Variants in UVSSA observed in about 807,000 individuals in gnomAD.
UVSSA encodes UV-stimulated scaffold protein A.
In UVSSA, 72 loss-of-function variants were observed where a neutral mutation model predicts 73.9. The observed-to-expected ratio is 0.97, with a 90% CI of 0.81 to 1.19. UVSSA has a LOEUF of 1.19. UVSSA is among the 50% of genes most tolerant of loss of function. UVSSA has a pLI of 0.00. For missense variants in UVSSA, 1,150 were observed against 965.0 expected (o/e 1.19, Z -2.54); for synonymous variants, 454 against 391.3 (o/e 1.16, Z -1.89).
At chr4:1,345,702 G>A (rs576491023), upstream of UVSSA, among the ~76,000 whole-genome samples, 4 of 150,008 alleles carry the variant, frequency 2.7e-5, no homozygotes, top group African/African-American at 7.5e-5. Context: ...CGGATACAGA[G>A]GGCAGTGGAC....
chr4:1,393,574 T>TAGA (rs139687679), exon 14 of UVSSA: 65 of 147,700 alleles, frequency 4.4e-4, no homozygotes, highest in African/African-American at 1.5e-3. Context: ...GATAGATAGA[T>TAGA]TAGATAGATA....
At chr4:1,378,292 C>T (rs976153576) in intron 10 of UVSSA, among the ~76,000 whole-genome samples, 4 of 152,236 alleles carry the variant, frequency 2.6e-5, no homozygotes, top group African/African-American at 9.6e-5. Context: ...GTGGCTCACG[C>T]CTGTAATCCC....
In UVSSA at chr4:1,351,660, A is replaced by G. The variant is rs1438815998; in HGVS notation, c.430-55A>G. The G allele has an allele frequency of 3.2e-6, 5 of 1,586,636 alleles. No individual in the cohort carries two copies. The Admixed American group carries it at 6.8e-5, about 22-fold the overall frequency. On this transcript the variant is annotated intron_variant, in intron 3 of 13. Transcript: ENST00000389851. ...TGCCTCAGCCTCCCAAAGTGCTGGG[A>G]TTACAGGCGTGAGCCACCGCGCCTG...
chr4:1,380,420 G>C (rs1719339387), intron 11 of UVSSA, among the ~76,000 whole-genome samples, 190 bp downstream of exon 11: 1 of 152,206 alleles, frequency 6.6e-6, no homozygotes. Flanking sequence ...GGTGTCTGGG[G>C]CTCCTGCCCA....
chr4:1,375,698 C>T (rs1281591200), intron 9 of UVSSA, among the ~76,000 whole-genome samples, 190 bp downstream of exon 9: 2 of 152,246 alleles, frequency 1.3e-5, no homozygotes, highest in African/African-American at 4.8e-5. Flanking sequence ...CCAGCATCAG[C>T]TGGAGCCCGG....
intron 13 of UVSSA, chr4:1,384,267 T>C: frequency 3.0e-6 from 1 of 336,526 alleles, no homozygotes; most frequent in South Asian, 4.1e-5. Context: ...CCCTCGTCTC[T>C]CCCTTGCCTG....
chr4:1,348,112 G>C lies in UVSSA; in HGVS notation c.21G>C (p.Lys7Asn), dbSNP rs780848645. The C allele has an allele frequency of 3.2e-5, 52 of 1,613,694 alleles. No homozygotes were observed. The highest frequency in any genetic ancestry group is 3.9e-5 in the Non-Finnish European group (46 of 1,179,928). ...TAGATATGGATCAGAAACTTTCGAA[G>C]TTGGTAGAAGAGCTCACAACTTCAG... MDQKLS[K>N]LVEELTTSGE... Residue 7 changes from lysine (K) to asparagine (N), a missense_variant, in exon 2 of 14, where the codon AAG becomes AAC. Physicochemically the swap from Lys to Asn is moderately conservative, Grantham distance 94. Transcript: ENST00000389851.
chr4:1,394,238 A>G lies in UVSSA; in HGVS notation c.*8277A>G, dbSNP rs1450220112. Reference sequence around the variant, plus strand: ...AGTGTGGCAGAGCTTCTCAGCGGCCACTGTGGGCATCTCGTTCCTCAGATC... The same window carrying G: ...AGTGTGGCAGAGCTTCTCAGCGGCCGCTGTGGGCATCTCGTTCCTCAGATC... On this transcript the variant is annotated 3_prime_UTR_variant, in exon 14 of 14. Coordinates refer to the UVSSA transcript ENST00000511216. 1.9e-5 allele frequency: 12 copies of G among 634,852 alleles called. No individual in the cohort carries two copies. The African/African-American group carries it at 2.2e-4, about 12-fold the overall frequency. The allele number at this position is 634,852 out of a possible 1,614,324, so 39.3% of individuals were successfully genotyped here.
chr4:1,343,462 TATAAATC>T (rs1469204478), upstream of UVSSA, among the ~76,000 whole-genome samples: 1 of 151,944 alleles, frequency 6.6e-6, no homozygotes, highest in Non-Finnish European at 1.5e-5. Flanking sequence ...AACAAGGACT[TATAAATC>T]ATAACAATAT....
intron 10 of UVSSA, among the ~76,000 whole-genome samples, chr4:1,379,450 GACA>G (rs1357271172): frequency 1.3e-5 from 2 of 152,242 alleles, no homozygotes; most frequent in East Asian, 3.9e-4. Flanking sequence ...CCAGGTTGAT[GACA>G]ACAGCAGAGC....
intron 10 of UVSSA, 118 bp from the exon 11 acceptor site, chr4:1,379,929 C>T (rs1719264765): frequency 2.4e-6 from 3 of 1,238,624 alleles, no homozygotes; most frequent in Non-Finnish European, 3.4e-6. Flanking sequence ...GTGCTGTCCA[C>T]AGTGTTGGGG....
chr4:1,383,698 G>A, intron 12 of UVSSA, 68 bp from the exon 13 acceptor site: 1 of 1,591,816 alleles, frequency 6.3e-7, no homozygotes. Context: ...AGCCCCTCCT[G>A]GGGGCCTCGG....
chr4:1,394,425 T>A, exon 14 of UVSSA: 2 of 1,588,864 alleles, frequency 1.3e-6, no homozygotes, highest in South Asian at 2.2e-5. Context: ...AAATCATTGA[T>A]CTACTTCTAG....
At chr4:1,355,046 G>A (rs1715483820) in intron 6 of UVSSA, 71 bp from the exon 7 acceptor site, 1 of 1,585,586 alleles carries the variant, frequency 6.3e-7, no homozygotes. Flanking sequence ...CCTGGCATGT[G>A]CCTCCCAGCA....
At chr4:1,365,589 A>G (rs1717201255) in intron 7 of UVSSA, among the ~76,000 whole-genome samples, 1 of 152,198 alleles carries the variant, frequency 6.6e-6, no homozygotes, top group South Asian at 2.1e-4. Flanking sequence ...CCCCACACCT[A>G]CCCTGGCAGA....
intron 13 of UVSSA, 106 bp downstream of exon 13, chr4:1,384,046 A>G (rs961479552): frequency 9.5e-6 from 13 of 1,365,712 alleles, no homozygotes; most frequent in Non-Finnish European, 1.2e-5. Context: ...TGGGGCCTCC[A>G]GGGGCTCCCC....
At chr4:1,348,253 C>T in intron 2 of UVSSA, 64 bp downstream of exon 2, 1 of 1,283,748 alleles carries the variant, frequency 7.8e-7, no homozygotes, top group Non-Finnish European at 1.1e-6. Context: ...CACACAGGGC[C>T]CTGCCCTCCT....
chr4:1,369,743 A>G (rs1412628493), intron 8 of UVSSA, among the ~76,000 whole-genome samples: 1 of 152,176 alleles, frequency 6.6e-6, no homozygotes, highest in Non-Finnish European at 1.5e-5. Flanking sequence ...TCCCTCCCTC[A>G]CTGTCTGCTT....
At chr4:1,352,215 G>A (rs1017664533) in intron 4 of UVSSA, among the ~76,000 whole-genome samples, 1 of 152,224 alleles carries the variant, frequency 6.6e-6, no homozygotes, top group Non-Finnish European at 1.5e-5. Context: ...TTTGCTTCTC[G>A]GCAGTCAGCC....
Sources: allele counts gnomAD v4.1 joint callset (sites outside exome capture counted in the v4.1 genomes callset), GRCh38; gene constraint gnomAD v4.1.1; transcripts MANE v1.5; gene names NCBI Gene and HGNC (gene_info 2026-07-23, HGNC 2026-07-21).